The following GAS7 variants were observed in gnomAD, a reference collection of about 807,000 sequenced individuals.
The protein encoded by GAS7 is growth arrest specific 7, also known as growth arrest-specific protein 7.
GAS7 carries 28 observed loss-of-function variants against 71.1 expected under a neutral mutation model. That is an observed-to-expected ratio of 0.39 (90% confidence interval 0.29 to 0.54). The LOEUF (loss-of-function observed/expected upper bound fraction) is 0.54. Among genes scored for constraint, GAS7 ranks in the 20% least tolerant of loss-of-function variants. The pLI is 0.62. For missense variants in GAS7, 436 were observed against 627.8 expected (o/e 0.69, Z 3.27); for synonymous variants, 258 against 245.8 (o/e 1.05, Z -0.46).
intron 9 of GAS7, among the ~76,000 whole-genome samples, chr17:9,927,524 A>G (rs1017107167): frequency 5.0e-4 from 76 of 151,946 alleles, no homozygotes; most frequent in African/African-American, 4.3e-4. Context: ...ATAATAATCA[A>G]TGACCTCACA....
Position 9,969,861 on chromosome 17 carries a change from C to A in GAS7, c.386-99G>T. On this transcript the variant is annotated intron_variant, in intron 3 of 13. Coordinates refer to ENST00000432992, the MANE Select transcript of GAS7 (RefSeq NM_201433.2). This position sits in a 1 kb window ranked among gnomAD's most constrained non-coding sequence, Gnocchi z 5.5. ...CCCCTTTTCCCACCTCCTTCCTTGGCTCTGAGAGGTCTTGCGTGGCGAAGA... is the reference window on the plus strand; with the variant it reads ...CCCCTTTTCCCACCTCCTTCCTTGGATCTGAGAGGTCTTGCGTGGCGAAGA... 1 of 777,070 alleles carries A rather than the reference C, an allele frequency of 1.3e-6. No homozygotes were observed. Among genetic ancestry groups the A allele is most frequent in the South Asian group, 1.5e-5 (1 of 67,254 alleles). 48.1% of individuals were successfully genotyped at this position (777,070 alleles called of 1,614,324 possible).
At chr17:10,111,818 T>C (rs1291552212) in intron 1 of GAS7, among the ~76,000 whole-genome samples, 1 of 152,170 alleles carries the variant, frequency 6.6e-6, no homozygotes, top group East Asian at 1.9e-4. Flanking sequence ...GACCAGGTCA[T>C]GGGGCCTGGA....
intron 1 of GAS7, among the ~76,000 whole-genome samples, chr17:10,069,310 C>T (rs951775286): frequency 6.6e-6 from 1 of 152,136 alleles, no homozygotes; most frequent in Non-Finnish European, 1.5e-5. Flanking sequence ...AGAATCCTGC[C>T]ACTAAATCCT....
chr17:9,951,343 G>A (rs559948324), intron 5 of GAS7, among the ~76,000 whole-genome samples: 33 of 152,348 alleles, frequency 2.2e-4, no homozygotes, highest in Admixed American at 1.0e-3. Context: ...ACTCAGAGGC[G>A]GGTCTGAATG....
In GAS7 at chr17:9,946,946, G is replaced by A. The variant is rs765719777; in HGVS notation, c.563C>T (p.Pro188Leu). 70 of 1,612,986 alleles carry A rather than the reference G, an allele frequency of 4.3e-5. No individual in the cohort carries two copies. The highest frequency in any genetic ancestry group is 8.9e-5 in the East Asian group (4 of 44,868). The change falls in exon 6 of 14, where the codon CCG (proline) becomes CTG (leucine). Residue 188 changes from proline (P) to leucine (L), a missense_variant. Transcript: ENST00000432992. ...CVTFPHPDTM[P>L]EQQLLKPTEW... ...GGTTGGTTTCAGCAGCTGCTGTTCC[G>A]GCATCGTGTCTGGGTGAGGGAACGT...
intron 1 of GAS7, among the ~76,000 whole-genome samples, chr17:10,113,488 G>C (rs1223781017): frequency 3.3e-5 from 5 of 152,086 alleles, no homozygotes; most frequent in Non-Finnish European, 7.3e-5. Flanking sequence ...GGAGGAGGAA[G>C]CTCTTCCTAT....
chr17:10,163,354 G>A (rs1406049079), intron 1 of GAS7, among the ~76,000 whole-genome samples: 1 of 151,630 alleles, frequency 6.6e-6, no homozygotes, highest in African/African-American at 2.4e-5. Context: ...TGGAACTCCT[G>A]ACCTCCAGTG....
At chr17:10,134,573 C>T (rs892797558) in intron 1 of GAS7, among the ~76,000 whole-genome samples, 1 of 152,214 alleles carries the variant, frequency 6.6e-6, no homozygotes, top group Non-Finnish European at 1.5e-5. Context: ...TTTTGCTCTA[C>T]AAGGACTGGC....
intron 1 of GAS7, among the ~76,000 whole-genome samples, chr17:10,125,080 A>G (rs55653588): frequency 0.13 from 20,003 of 149,654 alleles, 1,795 homozygotes; most frequent in African/African-American, 0.25. Context: ...AAAAAAAAAA[A>G]GGGGGGGTGT....
intron 1 of GAS7, among the ~76,000 whole-genome samples, chr17:10,028,824 G>A (rs74677696): frequency 3.0e-4 from 46 of 152,306 alleles, no homozygotes; most frequent in African/African-American, 9.4e-4. Flanking sequence ...AAGTGAATTC[G>A]TTATGTACAG....
chr17:10,167,505 TG>T (rs1343711980), intron 1 of GAS7, among the ~76,000 whole-genome samples: 4 of 152,150 alleles, frequency 2.6e-5, no homozygotes, highest in East Asian at 3.9e-4. Context: ...TTACTGAGCC[TG>T]GGGTGAGATG....
chr17:9,911,092 G>A lies in GAS7; in HGVS notation c.*6136C>T, dbSNP rs2067424534. 1 of 233,192 alleles carries A rather than the reference G, an allele frequency of 4.3e-6. No individual in the cohort carries two copies. Among genetic ancestry groups the A allele is most frequent in the East Asian group, 6.0e-5 (1 of 16,564 alleles). The allele number at this position is 233,192 out of a possible 1,614,324, so 14.4% of individuals were successfully genotyped here. A position where few individuals can be genotyped will look rare whatever the true frequency, so the allele number is the denominator to read the frequency against. On this transcript the variant is annotated 3_prime_UTR_variant, in exon 14 of 14. Transcript: ENST00000432992. The surrounding 1 kb of genome is among the most constrained non-coding windows in gnomAD (Gnocchi z 4.0). ...AACGGAAGGGAAGGGATGCTAAGTTGGGGCCCCTGTCACTAAGGATGGCTG... is the reference window on the plus strand; with the variant it reads ...AACGGAAGGGAAGGGATGCTAAGTTAGGGCCCCTGTCACTAAGGATGGCTG...
chr17:9,919,551 G>A lies in GAS7; in HGVS notation c.1218+75C>T, dbSNP rs898366181. The A allele has an allele frequency of 8.8e-5, 91 of 1,039,884 alleles. No homozygotes were observed. Among genetic ancestry groups the A allele is most frequent in the East Asian group, 1.7e-4 (7 of 42,306 alleles). The allele number at this position is 1,039,884 out of a possible 1,614,324, so 64.4% of individuals were successfully genotyped here. Reference sequence around the variant, plus strand: ...GGTCACTCCACCCCATCATCCCCGCGCCCACCAACAACCACCAGGGGCTGC... The same window carrying A: ...GGTCACTCCACCCCATCATCCCCGCACCCACCAACAACCACCAGGGGCTGC... On this transcript the variant is annotated intron_variant, in intron 12 of 13. Coordinates refer to ENST00000432992, the MANE Select transcript of GAS7 (RefSeq NM_201433.2). This position sits in a 1 kb window ranked among gnomAD's most constrained non-coding sequence, Gnocchi z 5.0.
At chr17:10,095,801 C>CAA (rs58811317) in intron 1 of GAS7, among the ~76,000 whole-genome samples, 42 of 110,086 alleles carry the variant, frequency 3.8e-4, no homozygotes, top group Admixed American at 5.0e-4. Context: ...GACTCCATCT[C>CAA]AAAAAAAAAA....
At chr17:10,150,134 A>T (rs2074152796) in intron 1 of GAS7, among the ~76,000 whole-genome samples, 1 of 152,204 alleles carries the variant, frequency 6.6e-6, no homozygotes, top group Non-Finnish European at 1.5e-5. Context: ...AAAGAAAAAA[A>T]TATTAACTAT....
At chr17:10,116,280 C>T (rs2073860525) in intron 1 of GAS7, among the ~76,000 whole-genome samples, 1 of 151,082 alleles carries the variant, frequency 6.6e-6, no homozygotes, top group South Asian at 2.1e-4. Context: ...TACCACTGCA[C>T]TCCAGCCTAG....
At chr17:9,967,480 T>C (rs2069766814) in intron 4 of GAS7, among the ~76,000 whole-genome samples, 2 of 152,154 alleles carry the variant, frequency 1.3e-5, no homozygotes, top group Admixed American at 6.5e-5. Context: ...TCCCAATTGA[T>C]AGCCATGATC....
At chr17:10,039,370 A>T (rs1168544508) in intron 1 of GAS7, among the ~76,000 whole-genome samples, 1 of 152,100 alleles carries the variant, frequency 6.6e-6, no homozygotes, top group Admixed American at 6.6e-5. Context: ...GCAATGGTGA[A>T]GAGAAAGCCC....
chr17:9,948,709 C>T (rs919484723), intron 5 of GAS7, among the ~76,000 whole-genome samples: 8 of 152,006 alleles, frequency 5.3e-5, no homozygotes, highest in Middle Eastern at 3.4e-3. Context: ...CTGGGTTGCA[C>T]GTGTAAGGCT....
Sources: gnomAD v4.1 joint callset for allele counts (sites outside exome capture counted in the v4.1 genomes callset) on GRCh38, gnomAD v4.1.1 for gene constraint, Gnocchi (gnomAD v3.1) non-coding constraint, MANE v1.5 for transcripts, NCBI Gene and HGNC (gene_info 2026-07-23, HGNC 2026-07-21) for gene names.